Variants in GAS7 observed in about 807,000 individuals in gnomAD.
GAS7 encodes the protein growth arrest specific 7.
Under a neutral mutation model 71.1 loss-of-function variants are expected in GAS7, and 28 were observed. The ratio of observed to expected loss-of-function variants is 0.39; its 90% CI spans 0.29 to 0.54. The LOEUF is 0.54. Among genes scored for constraint, GAS7 ranks in the 20% least tolerant of loss-of-function variants. GAS7 has a pLI of 0.62. For synonymous variants in GAS7, 258 were observed against 245.8 expected (o/e 1.05, Z -0.46); for missense variants, 436 against 627.8 (o/e 0.69, Z 3.27).
chr17:10,114,246 C>T (rs1031648083), intron 1 of GAS7, among the ~76,000 whole-genome samples: 4 of 152,136 alleles, frequency 2.6e-5, no homozygotes, highest in African/African-American at 7.2e-5. Context: ...GCTACAGTCT[C>T]ACTGGGAAGG....
At position 10,116,528 on chromosome 17, in the gene GAS7, A is replaced by G. The variant is rs573614447; in HGVS notation, c.183+81680T>C. Among the ~76,000 whole-genome samples, 18 of 152,212 alleles carry G rather than the reference A, an allele frequency of 1.2e-4. No homozygotes were observed. In the South Asian group the frequency reaches 3.5e-3, roughly 30 times the overall value. ...TGCTCACAGCCACTGGGTGCTCAGG[A>G]AAGGTGACCAGCAGATAGCACCAGC... On this transcript the variant is annotated intron_variant, in intron 1 of 13. Transcript: ENST00000432992.
rs558337458 is a variant in GAS7 at position 9,926,921 on chromosome 17, T to G, written c.886-152A>C. On this transcript the variant is annotated intron_variant, in intron 9 of 13. Transcript: ENST00000432992. The surrounding 1 kb of genome is among the most constrained non-coding windows in gnomAD (Gnocchi z 5.0). The stretch of plus-strand genomic sequence containing the variant: ...TGGCAGGAAGGTGAGAGACACCCCC[T>G]GACACGTGGCTGCCTATCAGGTCTC... 1.5e-4 allele frequency: 113 copies of G among 737,050 alleles called. No individual in the cohort carries two copies. In the African/African-American group the frequency reaches 1.6e-3, roughly 11 times the overall value. The allele number at this position is 737,050 out of a possible 1,614,324, so 45.7% of individuals were successfully genotyped here. A position where few individuals can be genotyped will look rare whatever the true frequency, so the allele number is the denominator to read the frequency against.
At chr17:10,070,098 C>G (rs2073323763) in intron 1 of GAS7, among the ~76,000 whole-genome samples, 1 of 152,138 alleles carries the variant, frequency 6.6e-6, no homozygotes, top group Admixed American at 6.6e-5. Context: ...AAATGCTATA[C>G]TAGACCATAG....
chr17:9,913,721 G>A lies in GAS7; in HGVS notation c.*3507C>T. ...CAGGGCCGCCATCCCCACGGTCCAA[G>A]GGGCCTATGTGTTGCCACTGACTGA... On this transcript the variant is annotated 3_prime_UTR_variant, in exon 14 of 14. Transcript: ENST00000432992. 1 of 231,932 alleles carries A rather than the reference G, an allele frequency of 4.3e-6. No individual in the cohort carries two copies. The highest frequency in any genetic ancestry group is 8.5e-6 in the Non-Finnish European group (1 of 117,210). 14.4% of individuals were successfully genotyped at this position (231,932 alleles called of 1,614,324 possible).
intron 1 of GAS7, among the ~76,000 whole-genome samples, chr17:10,063,590 C>T (rs975083134): frequency 4.8e-4 from 73 of 152,296 alleles, no homozygotes; most frequent in African/African-American, 1.6e-3. Context: ...GGGCAGAGTG[C>T]ATACACTTAA....
chr17:10,174,341 C>T (rs1250919031), intron 1 of GAS7, among the ~76,000 whole-genome samples: 3 of 152,210 alleles, frequency 2.0e-5, no homozygotes, highest in Admixed American at 1.3e-4. Flanking sequence ...CAAACAGCAA[C>T]TCACCTTGCA....
intron 1 of GAS7, among the ~76,000 whole-genome samples, chr17:10,179,513 C>A (rs1197040460): frequency 6.6e-6 from 1 of 152,152 alleles, no homozygotes; most frequent in Non-Finnish European, 1.5e-5. Flanking sequence ...ATCCCCTTAA[C>A]CTCTTAAGAT....
chr17:10,065,661 C>T (rs1481090994), intron 1 of GAS7, among the ~76,000 whole-genome samples: 3 of 152,218 alleles, frequency 2.0e-5, no homozygotes, highest in Admixed American at 6.5e-5. Context: ...AGATCCTTAA[C>T]GTCATTGTAC....
chr17:10,032,964 T>C (rs1006938587), intron 1 of GAS7, among the ~76,000 whole-genome samples: 1 of 152,138 alleles, frequency 6.6e-6, no homozygotes, highest in Non-Finnish European at 1.5e-5. Context: ...CTCAGGTCTG[T>C]ATGGGGAGGC....
At chr17:10,083,208 T>C (rs1475373151) in intron 1 of GAS7, among the ~76,000 whole-genome samples, 1 of 152,250 alleles carries the variant, frequency 6.6e-6, no homozygotes, top group Non-Finnish European at 1.5e-5. Context: ...TAATTTTCTG[T>C]AGACTTAAAT....
intron 1 of GAS7, among the ~76,000 whole-genome samples, chr17:10,171,027 A>G (rs977569576): frequency 2.6e-5 from 4 of 152,186 alleles, no homozygotes; most frequent in African/African-American, 7.2e-5. Context: ...CAAGGGCAAA[A>G]GTCCTCCTAA....
intron 2 of GAS7, among the ~76,000 whole-genome samples, chr17:9,985,043 C>A (rs2070589647): frequency 6.6e-6 from 1 of 152,228 alleles, no homozygotes; most frequent in Admixed American, 6.5e-5. Context: ...GGCCCCTGGA[C>A]AACCAGGGAC....
At chr17:9,924,614 A>T (rs955421699) in intron 11 of GAS7, 3 of 147,994 alleles carry the variant, frequency 2.0e-5, no homozygotes, top group Non-Finnish European at 3.0e-5. Context: ...GATTTGTATA[A>T]TAAACGTTAT....
chr17:9,945,373 T>C (rs2068752481), intron 6 of GAS7, among the ~76,000 whole-genome samples: 1 of 149,654 alleles, frequency 6.7e-6, no homozygotes, highest in Non-Finnish European at 1.5e-5. Context: ...AGAATAAAAC[T>C]CACTTACTGG....
intron 10 of GAS7, among the ~76,000 whole-genome samples, 173 bp from the exon 11 acceptor site, chr17:9,925,772 G>T (rs2067980653): frequency 6.6e-6 from 1 of 152,166 alleles, no homozygotes. Flanking sequence ...CTAGGTAGAG[G>T]CTACAACCCA....
chr17:10,055,080 T>C (rs950829083), intron 1 of GAS7, among the ~76,000 whole-genome samples: 2 of 152,142 alleles, frequency 1.3e-5, no homozygotes, highest in Middle Eastern at 3.4e-3. Context: ...AGCAGGCTGA[T>C]AGAAGAGCAG....
chr17:9,982,879 CAAAGAAAGA>C lies in GAS7; in HGVS notation c.305-1004_305-996del, dbSNP rs1310987781. ...AAAGAAAGAAAGAAAGCAAAGAAAG[CAAAGAAAGA>C]GAGAAAACTAATACTGCAAGCTATA... is the stretch of plus-strand genomic sequence containing the variant. On this transcript the variant is annotated intron_variant, in intron 2 of 13. Coordinates refer to ENST00000432992, the MANE Select transcript of GAS7 (RefSeq NM_201433.2). 2.7e-5 allele frequency among the ~76,000 whole-genome samples: 4 copies of C among 146,064 alleles called. No homozygotes were observed. The East Asian group carries it at 8.0e-4, about 29-fold the overall frequency.
At chr17:9,977,831 G>A (rs1339380675) in intron 3 of GAS7, among the ~76,000 whole-genome samples, 1 of 152,160 alleles carries the variant, frequency 6.6e-6, no homozygotes, top group Non-Finnish European at 1.5e-5. Context: ...CTGCTTACCA[G>A]TATCCAACAA....
rs758407592 is a variant in GAS7, at chr17:10,067,284, G to A, written c.184-47387C>T. 1.4e-4 allele frequency among the ~76,000 whole-genome samples: 22 copies of A among 152,098 alleles called. 1 individual carries two copies. The highest frequency in any genetic ancestry group is 5.9e-4 in the Admixed American group (9 of 15,278). ...TTTTGAGATGGAGTCTCGCTCTGTT[G>A]CCCAGGCTGGAGTGTAGTGGCGCGA... On this transcript the variant is annotated intron_variant, in intron 1 of 13. Transcript: ENST00000432992.
Sources: gnomAD v4.1 joint callset for allele counts (sites outside exome capture counted in the v4.1 genomes callset) on GRCh38, gnomAD v4.1.1 for gene constraint, Gnocchi (gnomAD v3.1) non-coding constraint, MANE v1.5 for transcripts, NCBI Gene and HGNC (gene_info 2026-07-23, HGNC 2026-07-21) for gene names.